ARHGAP39: variants seen among roughly 807,000 people sequenced by gnomAD.
ARHGAP39 encodes Rho GTPase activating protein 39, also known as rho GTPase-activating protein 39.
A neutral mutation model predicts 106.9 loss-of-function variants in ARHGAP39; 44 were observed. That is an observed-to-expected ratio of 0.41 (90% CI 0.32 to 0.53). The LOEUF (loss-of-function observed/expected upper bound fraction) is 0.53. Among genes scored for constraint, ARHGAP39 ranks in the 20% least tolerant of loss-of-function variants. ARHGAP39 has a pLI of 0.21. For missense variants in ARHGAP39, 1,496 were observed against 1,577.3 expected, an observed-to-expected ratio of 0.95 and a Z score of 0.87; for synonymous variants, 768 against 693.2, an observed-to-expected ratio of 1.11 and a Z score of -1.69.
intron 2 of ARHGAP39, among the ~76,000 whole-genome samples, chr8:144,601,583 TGGA>T (rs377438558): frequency 0.02 from 2,576 of 130,102 alleles, 47 homozygotes; most frequent in Admixed American, 0.049. Flanking sequence ...TGCATGTGCG[TGGA>T]GGTGTGTGTG....
Position 144,530,402 on chromosome 8 carries a change from C to G in ARHGAP39, c.*20G>C. The G allele has an allele frequency of 1.9e-6, 3 of 1,577,368 alleles. No homozygotes were observed. Among genetic ancestry groups the G allele is most frequent in the Non-Finnish European group, 2.6e-6 (3 of 1,159,010 alleles). On this transcript the variant is annotated 3_prime_UTR_variant, in exon 12 of 12. Coordinates refer to ENST00000377307, the MANE Select transcript of ARHGAP39 (RefSeq NM_025251.3). ...TGGCTGGGGGCGGCAGGACATCCCT[C>G]CTGTCCCCGGGCGCCCCCGCTACAG... is the stretch of plus-strand genomic sequence containing the variant.
intron 4 of ARHGAP39, among the ~76,000 whole-genome samples, chr8:144,552,207 G>C (rs1817726661): frequency 6.6e-6 from 1 of 152,242 alleles, no homozygotes; most frequent in Non-Finnish European, 1.5e-5. Flanking sequence ...AGGATGGGAC[G>C]ACAATAAGGG....
chr8:144,568,343 A>AAG (rs1278300250), intron 3 of ARHGAP39, among the ~76,000 whole-genome samples: 1 of 150,562 alleles, frequency 6.6e-6, no homozygotes, highest in Non-Finnish European at 1.5e-5. Flanking sequence ...CAAAAAAAAA[A>AAG]AAAAAAAAAA....
intron 2 of ARHGAP39, among the ~76,000 whole-genome samples, chr8:144,601,383 T>TG (rs1819929157): frequency 7.2e-6 from 1 of 138,040 alleles, no homozygotes; most frequent in Non-Finnish European, 1.5e-5. Context: ...TGTGTGTGCG[T>TG]TGAGGCGTGT....
chr8:144,608,156 C>CAAAAAA (rs60966946), intron 1 of ARHGAP39, among the ~76,000 whole-genome samples: 2 of 96,330 alleles, frequency 2.1e-5, no homozygotes, highest in African/African-American at 9.2e-5. Context: ...GACTCTGTCT[C>CAAAAAA]AAAAAAAAAA....
rs1818286627 is a variant in ARHGAP39, at chr8:144,563,630, A to AAT, written c.513-7988_513-7987insAT. ...GTGAGACCTTATCTCTATAAAAAAAAAATAATAATAATAAAAGAAAATTAG... is the reference window on the plus strand; with the variant it reads ...GTGAGACCTTATCTCTATAAAAAAAAATAATAATAATAATAAAAGAAAATTAG... On this transcript the variant is annotated intron_variant, in intron 3 of 11. Transcript: ENST00000377307. Among the ~76,000 whole-genome samples, 3 of 151,924 alleles carry AAT rather than the reference A, an allele frequency of 2.0e-5. 1 individual carries two copies. The South Asian group carries it at 6.2e-4, about 32-fold the overall frequency.
intron 3 of ARHGAP39, among the ~76,000 whole-genome samples, chr8:144,562,723 C>T (rs1218543193): frequency 1.3e-5 from 2 of 150,914 alleles, no homozygotes; most frequent in Middle Eastern, 3.2e-3. Context: ...ATCGGACTCA[C>T]TCCAGTGGTT....
At chr8:144,689,741 A>ATT (rs71320838), upstream of ARHGAP39, among the ~76,000 whole-genome samples, 610 of 119,896 alleles carry the variant, frequency 5.1e-3, 7 homozygotes, top group African/African-American at 0.016. Context: ...CACCTGACTA[A>ATT]TTTTTTTTTT....
chr8:144,662,222 C>T (rs1821842199), intron 1 of ARHGAP39, among the ~76,000 whole-genome samples: 1 of 151,420 alleles, frequency 6.6e-6, no homozygotes, highest in African/African-American at 2.4e-5. Context: ...GACCGCTCCC[C>T]CGTCAGCATT....
rs766781960 is a variant in ARHGAP39, at chr8:144,533,182, T to A, written c.2832A>T (p.Thr944=). 2.5e-6 allele frequency: 4 copies of A among 1,611,884 alleles called. No homozygotes were observed. The highest frequency in any genetic ancestry group is 3.4e-6 in the Non-Finnish European group (4 of 1,179,848). ...GCGCCAGCACCTCCTCAGAGAGCCG[T>A]GTCTGCACCCAGGGCAGCTGGCGCT... is the stretch of plus-strand genomic sequence containing the variant. ...YPERQLPWVQ[T]RLSEEVLALN... is the part of the protein sequence containing the mutation. The change falls in exon 9 of 12, where the codon ACA becomes ACT. Residue 944 remains threonine, a synonymous_variant. Transcript: ENST00000377307.
chr8:144,669,569 A>T (rs1380015679), intron 1 of ARHGAP39, among the ~76,000 whole-genome samples: 1 of 151,798 alleles, frequency 6.6e-6, no homozygotes, highest in Non-Finnish European at 1.5e-5. Context: ...AAAATAAAGA[A>T]AAAAAGAAAA....
chr8:144,547,851 G>C lies in ARHGAP39; in HGVS notation c.1235C>G (p.Ala412Gly), dbSNP rs761493026. Residue 412 changes from alanine (A) to glycine (G), a missense_variant, in exon 5 of 12, where the codon GCC (alanine) becomes GGC (glycine). Around this residue, in one of 4 missense-constraint regions of ARHGAP39, gnomAD observed 905 missense variants for 816.4 expected, o/e 1.11. Transcript: ENST00000377307. The surrounding 1 kb of genome is among the most constrained non-coding windows in gnomAD (Gnocchi z 5.2). ...EQAGSSPKLR[A>G]GPRHKYAPNP... ...GGGCGCGTACTTGTGCCGCGGGCCG[G>C]CGCGCAGCTTGGGGCTGGAGCCCGC... 1.2e-5 allele frequency: 19 copies of C among 1,587,052 alleles called. No homozygotes were observed. Among genetic ancestry groups the C allele is most frequent in the Non-Finnish European group, 1.4e-5 (16 of 1,167,492 alleles).
chr8:144,629,356 G>A (rs1392199658), intron 1 of ARHGAP39, among the ~76,000 whole-genome samples: 1 of 152,038 alleles, frequency 6.6e-6, no homozygotes, highest in Non-Finnish European at 1.5e-5. Flanking sequence ...AGACCTCCAG[G>A]GCTCCAAGAG....
chr8:144,532,471 C>T lies in ARHGAP39; in HGVS notation c.2889-75G>A. ...TCATGATTCCGCCTGGACACTCCCT[C>T]CGGTAGGCCCCTGCTGACCCGGGGA... On this transcript the variant is annotated intron_variant, in intron 9 of 11. Transcript: ENST00000377307. 2.2e-6 allele frequency: 3 copies of T among 1,338,342 alleles called. No homozygotes were observed. The South Asian group carries it at 3.7e-5, about 17-fold the overall frequency. 82.9% of individuals were successfully genotyped at this position (1,338,342 alleles called of 1,614,324 possible).
chr8:144,666,453 T>C (rs545203231), intron 1 of ARHGAP39, among the ~76,000 whole-genome samples: 14 of 152,212 alleles, frequency 9.2e-5, no homozygotes, highest in Admixed American at 7.8e-4. Flanking sequence ...CCCACCTAAA[T>C]CTCAATGTGA....
rs1389284287 is a variant in ARHGAP39 at position 144,544,253 on chromosome 8, TC to T, written c.2521+995del. Among the ~76,000 whole-genome samples, 13 of 152,264 alleles carry T rather than the reference TC, an allele frequency of 8.5e-5. No individual in the cohort carries two copies. The East Asian group carries it at 2.3e-3, about 27-fold the overall frequency. ...TGGGTGGTGCCTATACCCAACACTG[TC>T]CCCAGGAACCTCCCACTGCCCTGTG... is the stretch of plus-strand genomic sequence containing the variant. On this transcript the variant is annotated intron_variant, in intron 6 of 11. Coordinates refer to ENST00000377307, the MANE Select transcript of ARHGAP39 (RefSeq NM_025251.3).
At position 144,679,321 on chromosome 8, in the gene ARHGAP39, G is replaced by A. The variant is rs538188861; in HGVS notation, c.-82+6365C>T. On this transcript the variant is annotated intron_variant, in intron 1 of 11. Coordinates refer to ENST00000377307, the MANE Select transcript of ARHGAP39 (RefSeq NM_025251.3). The surrounding 1 kb of genome is among the most constrained non-coding windows in gnomAD (Gnocchi z 4.7). ...TGTACGTCACACCCTGCTTTGGTCC[G>A]TGGACCCTGAGATGCCAGTCCAGGA... Among the ~76,000 whole-genome samples, 5 of 152,328 alleles carry A rather than the reference G, an allele frequency of 3.3e-5. No individual in the cohort carries two copies. The highest frequency in any genetic ancestry group is 3.3e-4 in the Admixed American group (5 of 15,292).
rs1817570954 is a variant in ARHGAP39 at position 144,548,485 on chromosome 8, A to T, written c.601T>A (p.Ser201Thr). The change falls in exon 5 of 12, where the codon TCC (serine) becomes ACC (threonine). Residue 201 changes from serine (S) to threonine (T), a missense_variant. Coordinates refer to ENST00000377307, the MANE Select transcript of ARHGAP39 (RefSeq NM_025251.3). This position sits in a 1 kb window ranked among gnomAD's most constrained non-coding sequence, Gnocchi z 7.4. ...GCGCCCGAGTTCCACCGCAGCGAGG[A>T]GGTCCTGCGTGGGGGGTGGACGGGC... ...ADGQLLHYRT[S>T]SLRWNSGAKE... 2 of 1,608,568 alleles carry T rather than the reference A, an allele frequency of 1.2e-6. No homozygotes were observed. The highest frequency in any genetic ancestry group is 1.7e-6 in the Non-Finnish European group (2 of 1,179,074).
At chr8:144,579,630 T>G (rs555136795) in intron 3 of ARHGAP39, among the ~76,000 whole-genome samples, 19 of 152,276 alleles carry the variant, frequency 1.2e-4, no homozygotes, top group African/African-American at 4.6e-4. Flanking sequence ...ATGAACCTGC[T>G]GCCCGCCTCC....
Sources: allele counts gnomAD v4.1 joint callset (sites outside exome capture counted in the v4.1 genomes callset), GRCh38; gene constraint gnomAD v4.1.1; regional missense constraint gnomAD v4.1.1; non-coding constraint Gnocchi (gnomAD v3.1); transcripts MANE v1.5; gene names NCBI Gene and HGNC (gene_info 2026-07-23, HGNC 2026-07-21).